PRDM13: variants seen among roughly 807,000 people sequenced by gnomAD.
PRDM13 encodes PR domain zinc finger protein 13.
PRDM13 carries 15 observed loss-of-function variants against 36.4 expected under a neutral mutation model. That is an observed-to-expected ratio of 0.41 (90% CI 0.28 to 0.64). The LOEUF is 0.64. Among genes scored for constraint, PRDM13 ranks in the 30% least tolerant of loss-of-function variants. The pLI, the probability that PRDM13 is intolerant of heterozygous loss-of-function variation, is 0.29. For missense variants in PRDM13, 1,044 were observed against 1,013.5 expected (o/e 1.03, Z -0.41); for synonymous variants, 531 against 467.7 (o/e 1.14, Z -1.75).
At position 99,613,978 on chromosome 6, in the gene PRDM13, C is replaced by T. The variant is rs763734908; in HGVS notation, c.1343C>T (p.Pro448Leu). ...GACCCGGGCGGTCTCAAAGCCTATC[C>T]GGGTGGTGAGTGCAGCCACCTGCCC... ...PLDPGGLKAYPGGECSHLPAV... is the reference protein window; with the variant it reads ...PLDPGGLKAYLGGECSHLPAV... The change falls in exon 4 of 4, where the codon CCG becomes CTG. Residue 448 changes from proline to leucine, a missense_variant. By Grantham distance (98) the Pro-to-Leu change is moderately conservative (BLOSUM62 -3). Transcript: ENST00000369215. The surrounding 1 kb of genome is among the most constrained non-coding windows in gnomAD (Gnocchi z 6.1). 18 of 1,605,268 alleles carry T rather than the reference C, an allele frequency of 1.1e-5. No homozygotes were observed. Among genetic ancestry groups the T allele is most frequent in the African/African-American group, 6.8e-5 (5 of 73,662 alleles).
intron 1 of PRDM13, among the ~76,000 whole-genome samples, chr6:99,607,509 C>A (rs948510289): frequency 6.6e-6 from 1 of 152,196 alleles, no homozygotes; most frequent in East Asian, 1.9e-4. Flanking sequence ...CACCCCCGCA[C>A]GCTGTCCGCA....
chr6:99,609,613 C>T (rs968872514), intron 3 of PRDM13, among the ~76,000 whole-genome samples: 3 of 152,064 alleles, frequency 2.0e-5, no homozygotes, highest in Non-Finnish European at 2.9e-5. Context: ...AAATTAGGCG[C>T]GGTAGCTCAC....
chr6:99,608,674 A>G, intron 1 of PRDM13, 67 bp from the exon 2 acceptor site: 1 of 1,536,856 alleles, frequency 6.5e-7, no homozygotes, highest in South Asian at 1.3e-5. Flanking sequence ...GGTGGAGGAT[A>G]AACTTTCTGT....
chr6:99,612,784 G>C (rs1770050386), intron 3 of PRDM13, among the ~76,000 whole-genome samples: 1 of 152,196 alleles, frequency 6.6e-6, no homozygotes, highest in South Asian at 2.1e-4. Flanking sequence ...CCTGGAGGAA[G>C]TCTTCGTTGG....
Position 99,608,732 on chromosome 6 carries a change from G to A in PRDM13, c.145-9G>A. The A allele has an allele frequency of 6.2e-7, 1 of 1,601,246 alleles. No individual in the cohort carries two copies. The highest frequency in any genetic ancestry group is 8.5e-7 in the Non-Finnish European group (1 of 1,173,356). ...GTGCGGGGGAGAACGACCACTGCTT[G>A]TGTTGCAGGTGCGCATGGTGAGAGG... is the stretch of plus-strand genomic sequence containing the variant. On this transcript the variant is annotated splice_polypyrimidine_tract_variant and intron_variant, in intron 1 of 3. Transcript: ENST00000369215.
Position 99,613,588 on chromosome 6 carries a change from G to T in PRDM13, c.953G>T (p.Ser318Ile). 6.7e-7 allele frequency: 1 copy of T among 1,498,760 alleles called. No individual in the cohort carries two copies. Among genetic ancestry groups the T allele is most frequent in the East Asian group, 2.7e-5 (1 of 36,642 alleles). 92.8% of individuals were successfully genotyped at this position (1,498,760 alleles called of 1,614,324 possible). ...GACCCCTACCGGGAGGAGAGCAGCAGCAAGCAAGGAGCCGGCCTCGCTTTG... is the reference window on the plus strand; with the variant it reads ...GACCCCTACCGGGAGGAGAGCAGCATCAAGCAAGGAGCCGGCCTCGCTTTG... Reference protein sequence around the residue: ...HGDPYREESSSKQGAGLALGR... With the variant: ...HGDPYREESSIKQGAGLALGR... The change falls in exon 4 of 4, where the codon AGC (serine) becomes ATC (isoleucine). Residue 318 changes from serine (S) to isoleucine (I), a missense_variant. By Grantham distance (142) the Ser-to-Ile change is moderately radical. Coordinates refer to ENST00000369215, the MANE Select transcript of PRDM13 (RefSeq NM_021620.4). This position sits in a 1 kb window ranked among gnomAD's most constrained non-coding sequence, Gnocchi z 6.1.
In PRDM13 at chr6:99,615,042, C is replaced by T. The variant is rs973739728; in HGVS notation, c.*283C>T. 2.1e-6 allele frequency: 1 copy of T among 478,238 alleles called. No homozygotes were observed. The highest frequency in any genetic ancestry group is 3.7e-6 in the Non-Finnish European group (1 of 273,426). 29.6% of individuals were successfully genotyped at this position (478,238 alleles called of 1,614,324 possible). ...CTTCTTGGATGAGCTCACCCTGAACCGCCCAGGCGGTCTGCTCTTGGTGTT... is the reference window on the plus strand; with the variant it reads ...CTTCTTGGATGAGCTCACCCTGAACTGCCCAGGCGGTCTGCTCTTGGTGTT... On this transcript the variant is annotated 3_prime_UTR_variant, in exon 4 of 4. Transcript: ENST00000369215.
At chr6:99,612,157 T>C (rs1173078627) in intron 3 of PRDM13, among the ~76,000 whole-genome samples, 1 of 152,180 alleles carries the variant, frequency 6.6e-6, no homozygotes, top group African/African-American at 2.4e-5. Flanking sequence ...TTTATATATA[T>C]TCATATAATA....
rs756738515 is a variant in PRDM13, at chr6:99,613,440, G to A, written c.805G>A (p.Gly269Arg). ...LDMSGAARGQ[G>R]HFLGIVGGSS... ...CATGAGCGGAGCCGCCCGAGGACAAGGGCACTTCCTCGGCATCGTGGGCGG... is the reference window on the plus strand; with the variant it reads ...CATGAGCGGAGCCGCCCGAGGACAAAGGCACTTCCTCGGCATCGTGGGCGG... The change falls in exon 4 of 4, where the codon GGG (glycine) becomes AGG (arginine). Residue 269 changes from glycine (G) to arginine (R), a missense_variant. Gly to Arg is a moderately radical substitution (Grantham distance 125). Transcript: ENST00000369215. The surrounding 1 kb of genome is among the most constrained non-coding windows in gnomAD (Gnocchi z 6.1). The A allele has an allele frequency of 1.3e-6, 2 of 1,547,062 alleles. No homozygotes were observed. Among genetic ancestry groups the A allele is most frequent in the Non-Finnish European group, 1.7e-6 (2 of 1,155,042 alleles).
At position 99,613,680 on chromosome 6, in the gene PRDM13, G is replaced by A. The variant is rs369594089; in HGVS notation, c.1045G>A (p.Gly349Ser). ...GAGCGGGGAGAACTCGGCGGCGGGCGGCGCGGGTCACCACCATCACCACCA... is the reference window on the plus strand; with the variant it reads ...GAGCGGGGAGAACTCGGCGGCGGGCAGCGCGGGTCACCACCATCACCACCA... Reference protein sequence around the residue: ...PGSGENSAAGGAGHHHHHHAH... With the variant: ...PGSGENSAAGSAGHHHHHHAH... The change falls in exon 4 of 4, where the codon GGC (glycine) becomes AGC (serine). Residue 349 changes from glycine to serine, a missense_variant. This residue lies in a region of PRDM13 where 921 missense variants were observed against 865.2 expected (regional missense o/e 1.06). Transcript: ENST00000369215. This position sits in a 1 kb window ranked among gnomAD's most constrained non-coding sequence, Gnocchi z 6.1. 54 of 1,427,080 alleles carry A rather than the reference G, an allele frequency of 3.8e-5. No individual in the cohort carries two copies. The South Asian group carries it at 3.9e-4, about 10-fold the overall frequency. 88.4% of individuals were successfully genotyped at this position (1,427,080 alleles called of 1,614,324 possible). A position where few individuals can be genotyped will look rare whatever the true frequency, so the allele number is the denominator to read the frequency against.
At chr6:99,611,671 A>G (rs1770033940) in intron 3 of PRDM13, among the ~76,000 whole-genome samples, 1 of 152,186 alleles carries the variant, frequency 6.6e-6, no homozygotes, top group Non-Finnish European at 1.5e-5. Flanking sequence ...AGAAGTTAAT[A>G]TACATAAAGG....
Position 99,614,934 on chromosome 6 carries a change from G to A in PRDM13, c.*175G>A. 1 of 895,882 alleles carries A rather than the reference G, an allele frequency of 1.1e-6. No individual in the cohort carries two copies. Among genetic ancestry groups the A allele is most frequent in the Non-Finnish European group, 1.6e-6 (1 of 610,374 alleles). 55.5% of individuals were successfully genotyped at this position (895,882 alleles called of 1,614,324 possible). Reference sequence around the variant, plus strand: ...GTCCCACATCTGGTGCTGAAACTCAGAGCAACAGTTCAGAGGTGGCGTAAA... The same window carrying A: ...GTCCCACATCTGGTGCTGAAACTCAAAGCAACAGTTCAGAGGTGGCGTAAA... On this transcript the variant is annotated 3_prime_UTR_variant, in exon 4 of 4. Coordinates refer to ENST00000369215, the MANE Select transcript of PRDM13 (RefSeq NM_021620.4).
rs748435659 is a variant in PRDM13, at chr6:99,613,949, C to T, written c.1314C>T (p.Pro438=). The change falls in exon 4 of 4, where the codon CCC becomes CCT. Residue 438 remains proline, a synonymous_variant. Transcript: ENST00000369215. This position sits in a 1 kb window ranked among gnomAD's most constrained non-coding sequence, Gnocchi z 6.1. The stretch of plus-strand genomic sequence containing the variant: ...CCCTCGAGCGCTGCGCGCTGCCGCC[C>T]CTCGACCCGGGCGGTCTCAAAGCCT... ...GLPLERCALP[P]LDPGGLKAYP... is the part of the protein sequence containing the mutation. 2.3e-5 allele frequency: 36 copies of T among 1,591,458 alleles called. No homozygotes were observed. In the South Asian group the frequency reaches 3.3e-4, roughly 14 times the overall value.
At chr6:99,612,135 C>T (rs1222094459) in intron 3 of PRDM13, among the ~76,000 whole-genome samples, 1 of 152,044 alleles carries the variant, frequency 6.6e-6, no homozygotes, top group East Asian at 1.9e-4. Context: ...ATTTATTTAT[C>T]GATCTATATC....
chr6:99,606,904 CGCGTCACTCCGCGG>C lies in PRDM13; in HGVS notation c.-127_-114del. The C allele has an allele frequency of 8.0e-7, 1 of 1,255,026 alleles. No homozygotes were observed. The highest frequency in any genetic ancestry group is 1.1e-6 in the Non-Finnish European group (1 of 941,412). 77.7% of individuals were successfully genotyped at this position (1,255,026 alleles called of 1,614,324 possible). A position where few individuals can be genotyped will look rare whatever the true frequency, so the allele number is the denominator to read the frequency against. On this transcript the variant is annotated 5_prime_UTR_variant, in exon 1 of 4. Coordinates refer to ENST00000369215, the MANE Select transcript of PRDM13 (RefSeq NM_021620.4). ...TGAAAAGGCGCAGTGCATGCCCGCCCGCGTCACTCCGCGGGCGGAGGACGCACGTCGGGGCGCGG... is the reference window on the plus strand; with the variant it reads ...TGAAAAGGCGCAGTGCATGCCCGCCCGCGGAGGACGCACGTCGGGGCGCGG...
Position 99,613,272 on chromosome 6 carries a change from C to T in PRDM13, c.637C>T (p.Leu213=). 2 of 1,595,948 alleles carry T rather than the reference C, an allele frequency of 1.3e-6. No individual in the cohort carries two copies. Among genetic ancestry groups the T allele is most frequent in the Non-Finnish European group, 1.7e-6 (2 of 1,172,696 alleles). The change falls in exon 4 of 4, where the codon CTG becomes TTG. Residue 213 remains leucine, a synonymous_variant. Transcript: ENST00000369215. This position sits in a 1 kb window ranked among gnomAD's most constrained non-coding sequence, Gnocchi z 6.1. ...SQAGTLRPHP[L]GPPPVQACGA... ...GGCAGGAACTTTGCGACCCCACCCC[C>T]TGGGCCCGCCACCAGTTCAGGCCTG...
chr6:99,610,061 T>G lies in PRDM13; in HGVS notation c.397+754T>G, dbSNP rs1383161714. Among the ~76,000 whole-genome samples, 4 of 152,298 alleles carry G rather than the reference T, an allele frequency of 2.6e-5. No homozygotes were observed. The East Asian group carries it at 5.8e-4, about 22-fold the overall frequency. ...GTGCATTTCTACAGCATTTTAGAAG[T>G]ATTACGGTACTTACAGCTGGTCAGT... On this transcript the variant is annotated intron_variant, in intron 3 of 3. Transcript: ENST00000369215.
Position 99,607,090 on chromosome 6 carries a change from C to G in PRDM13, c.56C>G (p.Pro19Arg), listed in dbSNP as rs1168584818. 2 of 1,613,616 alleles carry G rather than the reference C, an allele frequency of 1.2e-6. No individual in the cohort carries two copies. Among genetic ancestry groups the G allele is most frequent in the Non-Finnish European group, 1.7e-6 (2 of 1,179,972 alleles). Residue 19 changes from proline (P) to arginine (R), a missense_variant, in exon 1 of 4, where the codon CCG becomes CGG. Pro to Arg is a moderately radical substitution (Grantham distance 103, BLOSUM62 -2). Transcript: ENST00000369215. The part of the protein sequence containing the change: ...ATSVSADCCI[P>R]AGLRLGPVPG... Reference sequence around the variant, plus strand: ...AGCGTGAGTGCCGACTGCTGCATCCCGGCCGGCTTGCGCCTCGGACCGGTG... The same window carrying G: ...AGCGTGAGTGCCGACTGCTGCATCCGGGCCGGCTTGCGCCTCGGACCGGTG...
In PRDM13 at chr6:99,613,408, C is replaced by G; in HGVS notation, c.773C>G (p.Ala258Gly). 1 of 1,557,462 alleles carries G rather than the reference C, an allele frequency of 6.4e-7. No individual in the cohort carries two copies. Among genetic ancestry groups the G allele is most frequent in the Non-Finnish European group, 8.6e-7 (1 of 1,159,200 alleles). Residue 258 changes from alanine to glycine, a missense_variant, in exon 4 of 4, where the codon GCC becomes GGC. Coordinates refer to ENST00000369215, the MANE Select transcript of PRDM13 (RefSeq NM_021620.4). This position sits in a 1 kb window ranked among gnomAD's most constrained non-coding sequence, Gnocchi z 6.1. Reference sequence around the variant, plus strand: ...AAGGGCAAGGAGCAGCTGGACCGTGCCCTGGACATGAGCGGAGCCGCCCGA... The same window carrying G: ...AAGGGCAAGGAGCAGCTGGACCGTGGCCTGGACATGAGCGGAGCCGCCCGA... ...PKKGKEQLDR[A>G]LDMSGAARGQ... is the part of the protein sequence containing the mutation.
Sources: allele counts gnomAD v4.1 joint callset (sites outside exome capture counted in the v4.1 genomes callset), GRCh38; gene constraint gnomAD v4.1.1; regional missense constraint gnomAD v4.1.1; non-coding constraint Gnocchi (gnomAD v3.1); transcripts MANE v1.5; gene names NCBI Gene and HGNC (gene_info 2026-07-23, HGNC 2026-07-21).